The following TASP1 variants were observed in gnomAD, a reference collection of about 807,000 sequenced individuals.
TASP1 encodes taspase 1.
A neutral mutation model predicts 56.6 loss-of-function variants in TASP1; 16 were observed. The observed-to-expected ratio is 0.28, with a 90% CI of 0.19 to 0.43. TASP1 has a LOEUF of 0.43. Among genes scored for constraint, TASP1 ranks in the 20% least tolerant of loss-of-function variants. TASP1 has a pLI of 1.00. For missense variants in TASP1, 393 were observed against 511.6 expected (o/e 0.77, Z 2.24); for synonymous variants, 179 against 184.2 (o/e 0.97, Z 0.23).
At chr20:13,419,244 A>AT (rs1393914102) in intron 12 of TASP1, among the ~76,000 whole-genome samples, 5 of 152,130 alleles carry the variant, frequency 3.3e-5, no homozygotes, top group African/African-American at 1.2e-4. Context: ...AGGGAAAAAA[A>AT]TGCACTTATT....
At chr20:13,178,951 A>G in the TASP1 span, among the ~76,000 whole-genome samples, 3 of 152,202 alleles carry the variant, frequency 2.0e-5, no homozygotes, top group African/African-American at 7.2e-5. Context: ...AAGAAATGAT[A>G]TGTATTTAAG....
the TASP1 span, among the ~76,000 whole-genome samples, chr20:13,344,781 G>A: frequency 2.0e-5 from 3 of 152,206 alleles, no homozygotes; most frequent in East Asian, 3.9e-4. Flanking sequence ...CACAGTGCTC[G>A]CGCCTCTCCA....
intron 11 of TASP1, among the ~76,000 whole-genome samples, chr20:13,438,749 C>G (rs1480730260): frequency 1.3e-5 from 2 of 152,142 alleles, no homozygotes; most frequent in African/African-American, 4.8e-5. Context: ...TTTTTGCAAT[C>G]TACTCATCTG....
the TASP1 span, among the ~76,000 whole-genome samples, chr20:13,268,255 C>T: frequency 1.3e-5 from 2 of 151,032 alleles, no homozygotes. Context: ...CTCTTCACTC[C>T]TCTTCTCTTC....
At chr20:13,260,995 C>T in the TASP1 span, among the ~76,000 whole-genome samples, 2 of 152,156 alleles carry the variant, frequency 1.3e-5, no homozygotes, top group African/African-American at 2.4e-5. Context: ...CACCATTCAA[C>T]AGGCTAGCTT....
At chr20:13,514,935 TTTTACA>T (rs1396531798) in intron 10 of TASP1, among the ~76,000 whole-genome samples, 5 of 152,180 alleles carry the variant, frequency 3.3e-5, no homozygotes, top group Admixed American at 2.0e-4. Context: ...TGTTTCTACA[TTTTACA>T]TTTACATGTT....
At chr20:13,484,405 C>T (rs1301718635) in intron 10 of TASP1, among the ~76,000 whole-genome samples, 1 of 152,164 alleles carries the variant, frequency 6.6e-6, no homozygotes, top group Admixed American at 6.5e-5. Context: ...TTGGAACCAA[C>T]CCAAACGTCC....
intron 11 of TASP1, among the ~76,000 whole-genome samples, chr20:13,453,354 G>C (rs1371281504): frequency 6.6e-6 from 1 of 152,126 alleles, no homozygotes; most frequent in Admixed American, 6.6e-5. Context: ...GTTCAAGAGA[G>C]TGGTATTGTC....
At chr20:13,624,294 T>C (rs1311288400) in intron 3 of TASP1, among the ~76,000 whole-genome samples, 1 of 152,102 alleles carries the variant, frequency 6.6e-6, no homozygotes, top group Non-Finnish European at 1.5e-5. Context: ...ACTATAGTTA[T>C]ATAAAATTTA....
At chr20:13,387,230 G>A (rs1281870211), downstream of TASP1, among the ~76,000 whole-genome samples, 5 of 110,788 alleles carry the variant, frequency 4.5e-5, no homozygotes, top group Admixed American at 1.4e-4. Flanking sequence ...TTTCACTCTC[G>A]TCACCTAGGC....
chr20:13,243,047 G>A, the TASP1 span, among the ~76,000 whole-genome samples: 1 of 152,182 alleles, frequency 6.6e-6, no homozygotes, highest in Non-Finnish European at 1.5e-5. Flanking sequence ...AGAGGTAGAG[G>A]CAAGATTTGA....
At chr20:13,170,034 G>A in the TASP1 span, among the ~76,000 whole-genome samples, 1 of 152,114 alleles carries the variant, frequency 6.6e-6, no homozygotes, top group East Asian at 1.9e-4. Context: ...AAATTCCCTG[G>A]ATTAAAACTA....
chr20:13,456,201 T>A (rs2043827852), intron 11 of TASP1, among the ~76,000 whole-genome samples: 1 of 152,154 alleles, frequency 6.6e-6, no homozygotes, highest in South Asian at 2.1e-4. Flanking sequence ...TTTTTGGGGA[T>A]GCTAAAGACA....
At chr20:13,249,922 C>A in the TASP1 span, among the ~76,000 whole-genome samples, 5 of 152,172 alleles carry the variant, frequency 3.3e-5, no homozygotes, top group East Asian at 7.7e-4. Context: ...ATTGCTGGGG[C>A]CTTCCAGAAA....
intron 5 of TASP1, 103 bp from the exon 6 acceptor site, chr20:13,581,084 TG>T: frequency 9.8e-7 from 1 of 1,022,304 alleles, no homozygotes. Flanking sequence ...GAATATATCT[TG>T]GAAATTCTTT....
rs942036798 is a variant in TASP1, at chr20:13,455,316, CTG to C, written c.986-20164_986-20163del. ...GGGGTCTTCAAAAAATTCATAGAAA[CTG>C]TGCATTATGAAACTATGCATGGATT... is the stretch of plus-strand genomic sequence containing the variant. On this transcript the variant is annotated intron_variant, in intron 11 of 13. Transcript: ENST00000337743. 5.9e-5 allele frequency among the ~76,000 whole-genome samples: 9 copies of C among 152,080 alleles called. 1 individual carries two copies. The highest frequency in any genetic ancestry group is 2.2e-4 in the African/African-American group (9 of 41,430).
intron 6 of TASP1, among the ~76,000 whole-genome samples, chr20:13,572,309 T>C (rs577589455): frequency 6.6e-6 from 1 of 152,210 alleles, no homozygotes; most frequent in Non-Finnish European, 1.5e-5. Context: ...GTTATACCCA[T>C]CTTCGTTTAC....
chr20:13,468,798 G>A (rs1213114994), intron 11 of TASP1, among the ~76,000 whole-genome samples: 2 of 150,340 alleles, frequency 1.3e-5, no homozygotes, highest in Non-Finnish European at 3.0e-5. Context: ...CACCTAATAA[G>A]TACCCTTAGG....
chr20:13,171,834 T>C, the TASP1 span, among the ~76,000 whole-genome samples: 1 of 152,106 alleles, frequency 6.6e-6, no homozygotes, highest in East Asian at 1.9e-4. Flanking sequence ...AACAGACAAT[T>C]CCTGGAAAAG....
Sources: gnomAD v4.1 joint callset for allele counts (sites outside exome capture counted in the v4.1 genomes callset) on GRCh38, gnomAD v4.1.1 for gene constraint, MANE v1.5 for transcripts, NCBI Gene and HGNC (gene_info 2026-07-23, HGNC 2026-07-21) for gene names.